SYTL2: variants seen among roughly 807,000 people sequenced by gnomAD.
SYTL2 encodes the protein synaptotagmin-like protein 2.
A neutral mutation model predicts 198.7 loss-of-function variants in SYTL2; 165 were observed. The ratio of observed to expected loss-of-function variants is 0.83; its 90% CI spans 0.73 to 0.94. The LOEUF is 0.94. Among genes scored for constraint, SYTL2 ranks in the 40% least tolerant of loss-of-function variants. The probability of loss-of-function intolerance (pLI) is 0.00; values close to 1 mark genes in which losing one functional copy is unlikely to be tolerated. For synonymous variants in SYTL2, 966 were observed against 917.7 expected (o/e 1.05, Z -0.95); for missense variants, 2,835 against 2,582.8 (o/e 1.10, Z -2.12).
intron 7 of SYTL2, among the ~76,000 whole-genome samples, chr11:85,732,225 A>G (rs1401679727): frequency 2.0e-5 from 3 of 152,240 alleles, no homozygotes; most frequent in African/African-American, 7.2e-5. Flanking sequence ...CATTTGACCC[A>G]GCAATCCCAT....
rs140905798 is a variant in SYTL2, at chr11:85,751,781, C to T, written c.102-3358G>A. On this transcript the variant is annotated intron_variant, in intron 2 of 19. Transcript: ENST00000359152. Reference sequence around the variant, plus strand: ...ATTTCATCCTTACAATTTCACCATGCTGTTCAAAGAATTTCATCCATTTCA... The same window carrying T: ...ATTTCATCCTTACAATTTCACCATGTTGTTCAAAGAATTTCATCCATTTCA... 3.9e-5 allele frequency among the ~76,000 whole-genome samples: 6 copies of T among 152,328 alleles called. No individual in the cohort carries two copies. In the East Asian group the frequency reaches 9.6e-4, roughly 24 times the overall value.
intron 2 of SYTL2, among the ~76,000 whole-genome samples, chr11:85,754,601 G>A (rs2091748264): frequency 6.6e-6 from 1 of 152,088 alleles, no homozygotes; most frequent in East Asian, 1.9e-4. Context: ...CTGTAATTTT[G>A]TATCCTTTAT....
intron 10 of SYTL2, 165 bp downstream of exon 10, chr11:85,718,625 T>G (rs2087754613): frequency 1.6e-6 from 1 of 634,228 alleles, no homozygotes; most frequent in Non-Finnish European, 2.8e-6. Flanking sequence ...ACAAACTATA[T>G]TAAATGTACC....
chr11:85,796,504 G>A (rs1447484861), intron 1 of SYTL2, among the ~76,000 whole-genome samples: 1 of 152,162 alleles, frequency 6.6e-6, no homozygotes, highest in African/African-American at 2.4e-5. Context: ...GACTCTGACA[G>A]TATCTGAGAT....
At chr11:85,802,240 G>A (rs1334122957) in intron 1 of SYTL2, among the ~76,000 whole-genome samples, 2 of 54,058 alleles carry the variant, frequency 3.7e-5, no homozygotes, top group Non-Finnish European at 7.8e-5. Context: ...TTTTTTTTGT[G>A]AGCCGGAGCC....
rs1297490371 is a variant in SYTL2, at chr11:85,724,060, A to G, written c.5298T>C (p.Ser1766=). The G allele has an allele frequency of 2.0e-6, 3 of 1,535,432 alleles. No individual in the cohort carries two copies. Among genetic ancestry groups the G allele is most frequent in the South Asian group, 2.7e-5 (2 of 74,054 alleles). Residue 1766 remains serine (S), a synonymous_variant, in exon 8 of 20, where the codon TCT becomes TCC. Transcript: ENST00000359152. ...ESDFSDGNTS[S]NAESWRNPSS... is the part of the protein sequence containing the mutation. The stretch of plus-strand genomic sequence containing the variant: ...AAGGATTTCTCCAGCTCTCTGCATT[A>G]GAACTGGTGTTTCCATCTGAAAAAT...
At chr11:85,806,255 C>T (rs1028212640) in intron 1 of SYTL2, among the ~76,000 whole-genome samples, 1 of 152,202 alleles carries the variant, frequency 6.6e-6, no homozygotes, top group Non-Finnish European at 1.5e-5. Flanking sequence ...CATCCTATTC[C>T]AATCATAGCT....
rs2085802089 is a variant in SYTL2 at position 85,709,203 on chromosome 11, C to T, written c.5915+128G>A. 3.4e-6 allele frequency: 3 copies of T among 870,734 alleles called. No individual in the cohort carries two copies. The Admixed American group carries it at 6.8e-5, about 20-fold the overall frequency. 53.9% of individuals were successfully genotyped at this position (870,734 alleles called of 1,614,324 possible). ...TTTATAGAATAAAACAGCATTTCCC[C>T]CCAACTTTTCAAACATTCCTCTTAA... On this transcript the variant is annotated intron_variant, in intron 14 of 19. Coordinates refer to ENST00000359152, the MANE Select transcript of SYTL2 (RefSeq NM_206927.4).
chr11:85,752,386 C>T (rs1160221038), intron 2 of SYTL2, among the ~76,000 whole-genome samples: 2 of 152,086 alleles, frequency 1.3e-5, no homozygotes, highest in Non-Finnish European at 2.9e-5. Flanking sequence ...AGAGGCTTGC[C>T]CAAGGTCACA....
At chr11:85,754,655 A>T (rs917904325) in intron 2 of SYTL2, among the ~76,000 whole-genome samples, 1 of 152,148 alleles carries the variant, frequency 6.6e-6, no homozygotes, top group African/African-American at 2.4e-5. Context: ...TATTTTACTT[A>T]ATCCTGACAT....
chr11:85,719,240 C>A, intron 9 of SYTL2: 1 of 1,194,870 alleles, frequency 8.4e-7, no homozygotes. Flanking sequence ...TGTGTGTGTG[C>A]ATCATCATTC....
At chr11:85,833,315 T>C in the SYTL2 span, among the ~76,000 whole-genome samples, 3 of 148,288 alleles carry the variant, frequency 2.0e-5, no homozygotes, top group African/African-American at 7.4e-5. Context: ...ATATCATATA[T>C]ATACACAATA....
chr11:85,851,575 C>T, the SYTL2 span, among the ~76,000 whole-genome samples: 1 of 152,198 alleles, frequency 6.6e-6, no homozygotes, highest in Non-Finnish European at 1.5e-5. Context: ...AACAGAAAAT[C>T]AAGGTCAAAT....
intron 4 of SYTL2, among the ~76,000 whole-genome samples, chr11:85,738,808 T>C (rs2090562027): frequency 6.6e-6 from 1 of 152,166 alleles, no homozygotes; most frequent in African/African-American, 2.4e-5. Context: ...CAAGTGCTGA[T>C]GGTTGGGGGT....
At position 85,727,347 on chromosome 11, in the gene SYTL2, A is replaced by G; in HGVS notation, c.2011T>C (p.Tyr671His). The change falls in exon 8 of 20, where the codon TAC becomes CAC. Residue 671 changes from tyrosine to histidine, a missense_variant. Tyr to His is a moderately conservative substitution (Grantham distance 83). Transcript: ENST00000359152. ...GCATCAGATTCCTTGAGAACACTGT[A>G]GGAATAGTTACTATTTGAAGGAGAT... Reference protein sequence around the residue: ...GASPSNSNYSYSVLKESDAEN... With the variant: ...GASPSNSNYSHSVLKESDAEN... The G allele has an allele frequency of 6.5e-7, 1 of 1,536,228 alleles. No individual in the cohort carries two copies. The highest frequency in any genetic ancestry group is 8.7e-7 in the Non-Finnish European group (1 of 1,146,906).
Position 85,724,091 on chromosome 11 carries a change from T to A in SYTL2, c.5267A>T (p.Glu1756Val), listed in dbSNP as rs200370344. 609 of 1,572,074 alleles carry A rather than the reference T, an allele frequency of 3.9e-4. 1 individual carries two copies. The highest frequency in any genetic ancestry group is 4.7e-4 in the Non-Finnish European group (552 of 1,166,964). The change falls in exon 8 of 20, where the codon GAG (glutamate) becomes GTG (valine). Residue 1756 changes from glutamate to valine, a missense_variant. Glu to Val is a moderately radical substitution (Grantham distance 121, BLOSUM62 -2). Transcript: ENST00000359152. ...GGTGTTTCCATCTGAAAAATCAGAC[T>A]CAGAGAAACCTTCTTTTTCTTCCTC... ...EKEEEKEGFS[E>V]SDFSDGNTSS... is the part of the protein sequence containing the mutation.
At chr11:85,819,657 T>C in the SYTL2 span, among the ~76,000 whole-genome samples, 5 of 152,216 alleles carry the variant, frequency 3.3e-5, no homozygotes, top group African/African-American at 1.2e-4. Flanking sequence ...TCAGTATCAA[T>C]GTGGGAGGGC....
At chr11:85,840,926 T>C in the SYTL2 span, among the ~76,000 whole-genome samples, 3 of 152,070 alleles carry the variant, frequency 2.0e-5, no homozygotes, top group African/African-American at 7.2e-5. Flanking sequence ...GGAGAAAATA[T>C]TTTCAAACTA....
At chr11:85,696,147 T>C in intron 19 of SYTL2, 36 bp downstream of exon 19, 1 of 1,582,642 alleles carries the variant, frequency 6.3e-7, no homozygotes, top group South Asian at 1.1e-5. Context: ...TAGAAAAATT[T>C]GGCTCATGGA....
Sources: gnomAD v4.1 joint callset for allele counts (sites outside exome capture counted in the v4.1 genomes callset) on GRCh38, gnomAD v4.1.1 for gene constraint, MANE v1.5 for transcripts, NCBI Gene and HGNC (gene_info 2026-07-23, HGNC 2026-07-21) for gene names.